Variants in TOX observed in about 807,000 individuals in gnomAD.
TOX encodes thymocyte selection associated high mobility group box.
TOX carries 11 observed loss-of-function variants against 53.7 expected under a neutral mutation model. That is an observed-to-expected ratio of 0.20 (90% confidence interval 0.13 to 0.34). The LOEUF is 0.34. Among genes scored for constraint, TOX ranks in the 10% least tolerant of loss-of-function variants. TOX has a pLI of 1.00. For missense variants in TOX, 570 were observed against 664.6 expected (o/e 0.86, Z 1.56); for synonymous variants, 225 against 245.3 (o/e 0.92, Z 0.77).
Position 58,834,457 on chromosome 8 carries a change from T to C in TOX, c.924+3624A>G, listed in dbSNP as rs113940135. ...TTAAAAATACATAGCAGTATGTGTG[T>C]TCCCCAACTTGAATATTAAATGAGA... On this transcript the variant is annotated intron_variant, in intron 5 of 8. Transcript: ENST00000361421. Among the ~76,000 whole-genome samples the C allele has an allele frequency of 3.0e-3, 459 of 152,336 alleles. 4 individuals are homozygous for C. The highest frequency in any genetic ancestry group is 0.01 in the African/African-American group (436 of 41,584).
intron 1 of TOX, among the ~76,000 whole-genome samples, chr8:59,085,007 T>A (rs1351104954): frequency 1.3e-5 from 2 of 152,170 alleles, no homozygotes; most frequent in South Asian, 4.1e-4. Flanking sequence ...TGTTAAATCA[T>A]GCCAAATAAT....
chr8:58,944,543 A>G (rs1190680187), intron 2 of TOX, among the ~76,000 whole-genome samples: 1 of 152,202 alleles, frequency 6.6e-6, no homozygotes, highest in African/African-American at 2.4e-5. Context: ...AAGAATGGCC[A>G]CTGTGCATGT....
chr8:58,998,676 T>G (rs2129417980), intron 1 of TOX, among the ~76,000 whole-genome samples: 1 of 139,466 alleles, frequency 7.2e-6, no homozygotes, highest in African/African-American at 2.7e-5. Context: ...ATTTGGAAAA[T>G]GTTTTCTTAA....
intron 1 of TOX, among the ~76,000 whole-genome samples, chr8:58,986,185 G>A (rs1165995945): frequency 6.6e-6 from 1 of 152,178 alleles, no homozygotes; most frequent in Non-Finnish European, 1.5e-5. Flanking sequence ...AGGGCACTTA[G>A]GGAAGTACTC....
chr8:59,055,162 A>G (rs945223376), intron 1 of TOX, among the ~76,000 whole-genome samples: 1 of 152,144 alleles, frequency 6.6e-6, no homozygotes, highest in Non-Finnish European at 1.5e-5. Context: ...CCTAGAGTTG[A>G]TTCAAAACTA....
rs1261006210 is a variant in TOX, at chr8:58,980,085, A to C, written c.103-20077T>G. 2.0e-5 allele frequency among the ~76,000 whole-genome samples: 3 copies of C among 152,240 alleles called. No individual in the cohort carries two copies. The East Asian group carries it at 5.8e-4, about 29-fold the overall frequency. On this transcript the variant is annotated intron_variant, in intron 1 of 8. Coordinates refer to ENST00000361421, the MANE Select transcript of TOX (RefSeq NM_014729.3). ...AAAAAATCATTTAATTGGCCATTTAACACAGGGGAATTTCATGGTAATTAG... is the reference window on the plus strand; with the variant it reads ...AAAAAATCATTTAATTGGCCATTTACCACAGGGGAATTTCATGGTAATTAG...
intron 4 of TOX, among the ~76,000 whole-genome samples, chr8:58,844,587 T>C (rs560696263): frequency 1.6e-4 from 25 of 152,266 alleles, no homozygotes; most frequent in African/African-American, 6.0e-4. Context: ...TTACATGCAA[T>C]GGATCATTAT....
At chr8:59,038,413 T>G (rs1359359792) in intron 1 of TOX, among the ~76,000 whole-genome samples, 3 of 152,190 alleles carry the variant, frequency 2.0e-5, no homozygotes, top group Non-Finnish European at 2.9e-5. Flanking sequence ...CAGAAATTTG[T>G]TCTTTGCTTG....
At chr8:58,818,488 C>A (rs1044655212) in intron 6 of TOX, among the ~76,000 whole-genome samples, 2 of 152,180 alleles carry the variant, frequency 1.3e-5, no homozygotes, top group African/African-American at 4.8e-5. Context: ...TCTCTTTTCA[C>A]AAAGATGTCC....
chr8:58,836,555 T>C (rs552365245), intron 5 of TOX, among the ~76,000 whole-genome samples: 1 of 152,252 alleles, frequency 6.6e-6, no homozygotes, highest in East Asian at 1.9e-4. Flanking sequence ...TGTGCTTTCC[T>C]AGGACAGCAC....
chr8:58,926,530 G>A (rs535786973), intron 3 of TOX, among the ~76,000 whole-genome samples: 5 of 152,232 alleles, frequency 3.3e-5, no homozygotes, highest in Admixed American at 6.5e-5. Flanking sequence ...TTTGAGAGGG[G>A]ACAAACTGAT....
chr8:58,980,276 T>C (rs979953046), intron 1 of TOX, among the ~76,000 whole-genome samples: 6 of 152,176 alleles, frequency 3.9e-5, no homozygotes, highest in Admixed American at 1.3e-4. Context: ...CCTCTCCCAC[T>C]GTATGGACTG....
chr8:59,076,380 C>T (rs975112660), intron 1 of TOX, among the ~76,000 whole-genome samples: 5 of 152,234 alleles, frequency 3.3e-5, no homozygotes, highest in African/African-American at 1.2e-4. Context: ...GTGCCTTTGT[C>T]TGAATGGTGG....
chr8:59,018,626 C>T (rs1463759090), intron 1 of TOX, among the ~76,000 whole-genome samples: 2 of 152,112 alleles, frequency 1.3e-5, no homozygotes, highest in Non-Finnish European at 1.5e-5. Flanking sequence ...CACCATTTTA[C>T]TCTCTGGGGT....
chr8:58,822,368 T>C (rs1332686058), intron 6 of TOX, among the ~76,000 whole-genome samples: 2 of 152,168 alleles, frequency 1.3e-5, no homozygotes, highest in African/African-American at 4.8e-5. Context: ...TTTTCCAACT[T>C]CCCCCTTTAA....
intron 1 of TOX, among the ~76,000 whole-genome samples, chr8:59,040,316 G>C (rs1217145853): frequency 8.4e-6 from 1 of 119,208 alleles, no homozygotes; most frequent in Non-Finnish European, 1.7e-5. Flanking sequence ...GCGACAGAGC[G>C]AGACTCCGTC....
intron 1 of TOX, among the ~76,000 whole-genome samples, chr8:59,063,730 CTT>C (rs1804035904): frequency 6.6e-6 from 1 of 152,024 alleles, no homozygotes; most frequent in South Asian, 2.1e-4. Flanking sequence ...CCGGGATAGA[CTT>C]TTACTGAGAA....
chr8:59,028,407 T>C lies in TOX; in HGVS notation c.103-68399A>G, dbSNP rs540898815. Among the ~76,000 whole-genome samples the C allele has an allele frequency of 8.1e-4, 123 of 152,268 alleles. No individual in the cohort carries two copies. In the Middle Eastern group the frequency reaches 0.01, roughly 13 times the overall value. ...TACAAAGGCTTAGAAGCCATATATT[T>C]TATAGTTTCTTAGACATCAAAAATG... On this transcript the variant is annotated intron_variant, in intron 1 of 8. Coordinates refer to ENST00000361421, the MANE Select transcript of TOX (RefSeq NM_014729.3).
At chr8:58,965,721 G>T (rs1171593006) in intron 1 of TOX, among the ~76,000 whole-genome samples, 1 of 152,002 alleles carries the variant, frequency 6.6e-6, no homozygotes, top group African/African-American at 2.4e-5. Flanking sequence ...AAGAATATTT[G>T]ATACTTTGAT....
Sources: gnomAD v4.1 joint callset for allele counts (sites outside exome capture counted in the v4.1 genomes callset) on GRCh38, gnomAD v4.1.1 for gene constraint, MANE v1.5 for transcripts, NCBI Gene and HGNC (gene_info 2026-07-23, HGNC 2026-07-21) for gene names.